Variants in LRRIQ1 observed in about 807,000 individuals in gnomAD.
The protein encoded by LRRIQ1 is leucine rich repeats and IQ motif containing 1.
In LRRIQ1, 210 loss-of-function variants were observed where a neutral mutation model predicts 211.9. The observed-to-expected ratio is 0.99, with a 90% CI of 0.89 to 1.11. The LOEUF is 1.11. Among genes scored for constraint, LRRIQ1 ranks in the 50% most tolerant of loss-of-function variants. LRRIQ1 has a pLI of 0.00. For synonymous variants in LRRIQ1, 699 were observed against 650.1 expected (o/e 1.08, Z -1.14); for missense variants, 2,136 against 1,939.5 (o/e 1.10, Z -1.90).
At chr12:85,128,410 G>A (rs1888533186) in intron 18 of LRRIQ1, among the ~76,000 whole-genome samples, 1 of 152,024 alleles carries the variant, frequency 6.6e-6, no homozygotes, top group African/African-American at 2.4e-5. Flanking sequence ...GATCAGCCTG[G>A]CCCAGAAAGC....
At chr12:85,049,597 A>G (rs1363182372) in intron 6 of LRRIQ1, among the ~76,000 whole-genome samples, 1 of 152,178 alleles carries the variant, frequency 6.6e-6, no homozygotes, top group Non-Finnish European at 1.5e-5. Flanking sequence ...ACAAAAGAAA[A>G]ATCGTGAGAT....
At chr12:85,106,640 T>A in intron 15 of LRRIQ1, 25 bp downstream of exon 15, 1 of 1,441,278 alleles carries the variant, frequency 6.9e-7, no homozygotes, top group Non-Finnish European at 9.7e-7. Flanking sequence ...TTGCACCCCA[T>A]GTATATCCAT....
At chr12:85,250,863 TAG>T (rs1895898065) in intron 1 of LRRIQ1, among the ~76,000 whole-genome samples, 1 of 106,754 alleles carries the variant, frequency 9.4e-6, no homozygotes, top group Non-Finnish European at 1.8e-5. Context: ...ATATATATTA[TAG>T]ATTATATATT....
At chr12:85,260,104 C>T (rs1485731248) in intron 1 of LRRIQ1, among the ~76,000 whole-genome samples, 1 of 142,840 alleles carries the variant, frequency 7.0e-6, no homozygotes, top group Non-Finnish European at 1.5e-5. Flanking sequence ...TACTACCCTC[C>T]TTACATGTTA....
At chr12:85,093,014 A>T (rs1885545046) in intron 11 of LRRIQ1, among the ~76,000 whole-genome samples, 1 of 152,174 alleles carries the variant, frequency 6.6e-6, no homozygotes, top group Non-Finnish European at 1.5e-5. Context: ...TAATTGTTGG[A>T]GAGGATTAAT....
intron 10 of LRRIQ1, among the ~76,000 whole-genome samples, chr12:85,068,102 C>T (rs979602457): frequency 2.0e-5 from 3 of 151,782 alleles, no homozygotes; most frequent in Non-Finnish European, 4.4e-5. Context: ...TTCTCAAGGG[C>T]CTTGGTAGAG....
At chr12:85,078,929 T>C (rs1260237512) in intron 11 of LRRIQ1, among the ~76,000 whole-genome samples, 3 of 152,190 alleles carry the variant, frequency 2.0e-5, no homozygotes, top group Admixed American at 2.0e-4. Context: ...TTCTGTTTTC[T>C]AAACAAAGAG....
intron 24 of LRRIQ1, among the ~76,000 whole-genome samples, chr12:85,177,134 T>C (rs1891747077): frequency 6.6e-6 from 1 of 152,156 alleles, no homozygotes; most frequent in Non-Finnish European, 1.5e-5. Flanking sequence ...ATGTATAAAA[T>C]CTACAAGAAT....
chr12:85,261,720 A>G (rs1422745730), intron 1 of LRRIQ1, among the ~76,000 whole-genome samples: 3 of 151,612 alleles, frequency 2.0e-5, no homozygotes, highest in Non-Finnish European at 4.4e-5. Context: ...GCTTAATCCT[A>G]AGGGGATTTA....
chr12:85,056,082 A>G lies in LRRIQ1; in HGVS notation c.1289A>G (p.Asn430Ser). The G allele has an allele frequency of 1.9e-6, 3 of 1,596,516 alleles. No individual in the cohort carries two copies. Among genetic ancestry groups the G allele is most frequent in the Non-Finnish European group, 2.6e-6 (3 of 1,175,308 alleles). The change falls in exon 8 of 27, where the codon AAT becomes AGT. Residue 430 changes from asparagine to serine, a missense_variant. Transcript: ENST00000393217. ...ATAGCCAAAAATCTAGTGGATGAAA[A>G]TTCAAAGAAGCAGGAAGATGTTCTC... ...GDIAKNLVDE[N>S]SKKQEDVLLW...
chr12:85,143,448 C>T (rs1889677850), intron 19 of LRRIQ1, among the ~76,000 whole-genome samples: 1 of 151,522 alleles, frequency 6.6e-6, no homozygotes, highest in South Asian at 2.1e-4. Context: ...TGCACTGGAG[C>T]TTTTTAATTT....
At chr12:85,231,530 A>T (rs777870367) in intron 25 of LRRIQ1, among the ~76,000 whole-genome samples, 3 of 152,286 alleles carry the variant, frequency 2.0e-5, no homozygotes, top group South Asian at 2.1e-4. Context: ...AATTAATTAA[A>T]AAAAGAGGTT....
At chr12:85,164,278 G>A (rs1488077980) in intron 24 of LRRIQ1, among the ~76,000 whole-genome samples, 1 of 152,090 alleles carries the variant, frequency 6.6e-6, no homozygotes, top group Non-Finnish European at 1.5e-5. Flanking sequence ...TAGCTTAATG[G>A]ACATTAGTGT....
chr12:85,136,527 C>G (rs1226032283), intron 18 of LRRIQ1, among the ~76,000 whole-genome samples: 1 of 151,826 alleles, frequency 6.6e-6, no homozygotes, highest in East Asian at 1.9e-4. Context: ...AAGTTTTGAC[C>G]ATTCTTGGCT....
chr12:85,124,396 T>A lies in LRRIQ1; in HGVS notation c.3884T>A (p.Val1295Glu). 6.2e-7 allele frequency: 1 copy of A among 1,613,996 alleles called. No individual in the cohort carries two copies. The highest frequency in any genetic ancestry group is 8.5e-7 in the Non-Finnish European group (1 of 1,180,004). The change falls in exon 17 of 27, where the codon GTA (valine) becomes GAA (glutamate). Residue 1295 changes from valine to glutamate, a missense_variant. Transcript: ENST00000393217. ...NMEGRHQEILVCQKREDSKAS... is the reference protein window; with the variant it reads ...NMEGRHQEILECQKREDSKAS... Reference sequence around the variant, plus strand: ...GAAGGAAGACATCAGGAAATATTAGTATGTCAGAAGAGAGAAGACAGCAAG... The same window carrying A: ...GAAGGAAGACATCAGGAAATATTAGAATGTCAGAAGAGAGAAGACAGCAAG...
intron 5 of LRRIQ1, among the ~76,000 whole-genome samples, chr12:85,046,425 T>TAC (rs1326374114): frequency 1.3e-5 from 2 of 152,048 alleles, no homozygotes; most frequent in African/African-American, 4.8e-5. Flanking sequence ...ATGACACACA[T>TAC]ACACACACAC....
intron 18 of LRRIQ1, among the ~76,000 whole-genome samples, chr12:85,130,757 G>A (rs748707950): frequency 5.3e-5 from 8 of 152,086 alleles, no homozygotes; most frequent in African/African-American, 1.2e-4. Context: ...AGAAACAACC[G>A]GGGCTTAAGA....
intron 23 of LRRIQ1, among the ~76,000 whole-genome samples, chr12:85,157,834 A>C (rs2660448): frequency 6.6e-6 from 1 of 151,606 alleles, no homozygotes. Flanking sequence ...TAGTACGAAG[A>C]CCTAACATGG....
intron 7 of LRRIQ1, among the ~76,000 whole-genome samples, chr12:85,054,433 G>T (rs959369716): frequency 1.3e-5 from 2 of 152,152 alleles, no homozygotes; most frequent in Non-Finnish European, 2.9e-5. Flanking sequence ...TGTTGTGTAT[G>T]TGTGCATGCA....
Sources: gnomAD v4.1 joint callset for allele counts (sites outside exome capture counted in the v4.1 genomes callset) on GRCh38, gnomAD v4.1.1 for gene constraint, MANE v1.5 for transcripts, NCBI Gene and HGNC (gene_info 2026-07-23, HGNC 2026-07-21) for gene names.